The following CLYBL variants were observed in gnomAD, a reference collection of about 807,000 sequenced individuals.
CLYBL encodes the protein citramalyl-CoA lyase.
Under a neutral mutation model 38.9 loss-of-function variants are expected in CLYBL, and 31 were observed. The ratio of observed to expected loss-of-function variants is 0.80; its 90% CI spans 0.60 to 1.08. CLYBL has a LOEUF of 1.08. Among genes scored for constraint, CLYBL ranks in the 50% least tolerant of loss-of-function variants. The probability of loss-of-function intolerance (pLI) is 0.00; values close to 1 mark genes in which losing one functional copy is unlikely to be tolerated. For missense variants in CLYBL, 434 were observed against 411.6 expected (o/e 1.05, Z -0.47); for synonymous variants, 171 against 158.6 (o/e 1.08, Z -0.59).
In CLYBL at chr13:99,718,846, A is replaced by AT. The variant is rs879384617; in HGVS notation, c.63-53966dup. On this transcript the variant is annotated intron_variant, in intron 1 of 8. Transcript: ENST00000339105. ...ACTCACTCAGCAATACCTGTTGAGA[A>AT]TTTTTTTTTTTTCTGAGCAGAGTTT... Among the ~76,000 whole-genome samples, 240 of 147,672 alleles carry AT rather than the reference A, an allele frequency of 1.6e-3. 1 individual carries two copies. The highest frequency in any genetic ancestry group is 4.6e-3 in the African/African-American group (185 of 40,594).
At chr13:99,876,070 T>A (rs965088025) in intron 7 of CLYBL, among the ~76,000 whole-genome samples, 1 of 934 alleles carries the variant, frequency 1.1e-3, no homozygotes, top group Admixed American at 0.023. Context: ...TCTATTTCAC[T>A]TTTTTTTTTT....
intron 7 of CLYBL, among the ~76,000 whole-genome samples, chr13:99,876,981 C>G (rs1365093088): frequency 6.6e-6 from 1 of 152,176 alleles, no homozygotes; most frequent in Non-Finnish European, 1.5e-5. Flanking sequence ...CCTCCCTGCT[C>G]AGTGCTGCCC....
chr13:99,644,189 ATGTATATGTGGTGTATG>A (rs1409453750), intron 1 of CLYBL, among the ~76,000 whole-genome samples: 2 of 103,612 alleles, frequency 1.9e-5, no homozygotes, highest in Non-Finnish European at 3.6e-5. Context: ...ATGTGTATGT[ATGTATATGTGGTGTATG>A]TGTATATGTG....
At chr13:99,888,779 C>A (rs2052417225) in intron 7 of CLYBL, among the ~76,000 whole-genome samples, 1 of 151,990 alleles carries the variant, frequency 6.6e-6, no homozygotes, top group African/African-American at 2.4e-5. Flanking sequence ...AAAATATAAT[C>A]ATTAAGGAAG....
At chr13:99,708,204 C>T (rs1220451318) in intron 1 of CLYBL, among the ~76,000 whole-genome samples, 3 of 152,152 alleles carry the variant, frequency 2.0e-5, no homozygotes, top group South Asian at 2.1e-4. Context: ...TGGTCTTGAA[C>T]TCCTGACCTC....
rs7988767 is a variant in CLYBL at position 99,634,877 on chromosome 13, C to T, written c.62+28120C>T. On this transcript the variant is annotated intron_variant, in intron 1 of 8. Coordinates refer to ENST00000339105, the MANE Select transcript of CLYBL (RefSeq NM_206808.5). ...AGGCTGTGAAGGAGGTATCAGATCG[C>T]GCTCTCTGGCCTTGGGCACCTTCTT... 5.3e-3 allele frequency among the ~76,000 whole-genome samples: 812 copies of T among 152,288 alleles called. 4 individuals carry two copies. The highest frequency in any genetic ancestry group is 0.019 in the African/African-American group (783 of 41,564).
At chr13:99,706,124 G>A in intron 1 of CLYBL, among the ~76,000 whole-genome samples, 1 of 151,964 alleles carries the variant, frequency 6.6e-6, no homozygotes, top group Admixed American at 6.6e-5. Context: ...TAGAGACAGG[G>A]TTTCACCATC....
intron 1 of CLYBL, among the ~76,000 whole-genome samples, chr13:99,652,542 A>G (rs891193631): frequency 3.3e-5 from 5 of 152,188 alleles, no homozygotes; most frequent in Admixed American, 1.3e-4. Flanking sequence ...ACCCTATCTC[A>G]ATTAAAAAAA....
At chr13:99,712,862 C>G (rs1466193650) in intron 1 of CLYBL, among the ~76,000 whole-genome samples, 1 of 152,112 alleles carries the variant, frequency 6.6e-6, no homozygotes, top group Non-Finnish European at 1.5e-5. Context: ...GGCGTTTGCT[C>G]TGTTTGTACT....
chr13:99,874,315 C>T (rs1052857027), intron 7 of CLYBL, among the ~76,000 whole-genome samples: 1 of 152,152 alleles, frequency 6.6e-6, no homozygotes, highest in South Asian at 2.1e-4. Flanking sequence ...TGAGATACAA[C>T]GTGCATACCA....
Position 99,655,331 on chromosome 13 carries a change from C to T in CLYBL, c.62+48574C>T, listed in dbSNP as rs377454631. 1.5e-4 allele frequency among the ~76,000 whole-genome samples: 23 copies of T among 152,272 alleles called. No individual in the cohort carries two copies. In the East Asian group the frequency reaches 3.1e-3, roughly 21 times the overall value. ...CCTCAGATGATCTGTCTGCCTCGGC[C>T]TCCCAAAGTGCTGGGATTATAGGCG... On this transcript the variant is annotated intron_variant, in intron 1 of 8. Coordinates refer to ENST00000339105, the MANE Select transcript of CLYBL (RefSeq NM_206808.5).
intron 1 of CLYBL, among the ~76,000 whole-genome samples, chr13:99,677,323 C>T (rs572144379): frequency 6.6e-6 from 1 of 151,576 alleles, no homozygotes; most frequent in Non-Finnish European, 1.5e-5. Flanking sequence ...AATACATTGA[C>T]TTTGAGAGAG....
intron 1 of CLYBL, among the ~76,000 whole-genome samples, chr13:99,739,197 A>G (rs565605943): frequency 6.6e-6 from 1 of 152,332 alleles, no homozygotes; most frequent in African/African-American, 2.4e-5. Flanking sequence ...TCCTAATTTC[A>G]GTGTTCGTAA....
At chr13:99,628,364 A>G (rs1016935189) in intron 1 of CLYBL, among the ~76,000 whole-genome samples, 59 of 152,180 alleles carry the variant, frequency 3.9e-4, no homozygotes, top group African/African-American at 1.3e-3. Context: ...TCTTTAAGTG[A>G]TATAGTAGAC....
chr13:99,621,531 A>T (rs1383301351), intron 1 of CLYBL, among the ~76,000 whole-genome samples: 1 of 151,606 alleles, frequency 6.6e-6, no homozygotes, highest in Non-Finnish European at 1.5e-5. Context: ...CTCCTCTCCC[A>T]CCCACACCCC....
intron 2 of CLYBL, among the ~76,000 whole-genome samples, chr13:99,823,878 T>C (rs1042056789): frequency 6.6e-6 from 1 of 152,252 alleles, no homozygotes; most frequent in Admixed American, 6.5e-5. Context: ...TAAATCGTTC[T>C]GGTAGTTTCC....
intron 2 of CLYBL, among the ~76,000 whole-genome samples, chr13:99,851,260 G>A (rs1174896327): frequency 1.3e-5 from 2 of 151,572 alleles, no homozygotes; most frequent in Non-Finnish European, 1.5e-5. Context: ...CCAGCTACTC[G>A]GGAGGCTGAG....
At chr13:99,674,142 C>CT (rs1167068936) in intron 1 of CLYBL, among the ~76,000 whole-genome samples, 575 of 51,178 alleles carry the variant, frequency 0.011, 91 homozygotes, top group African/African-American at 0.013. Context: ...TACTAGAATT[C>CT]TTTTTTTTTT....
rs1481088140 is a variant in CLYBL at position 99,803,498 on chromosome 13, C to T, written c.249+30488C>T. On this transcript the variant is annotated intron_variant, in intron 2 of 8. Transcript: ENST00000339105. ...CCAATGTATCCTAACTGAAAAGGAA[C>T]TGCAGTGGAAAGCCTATGGGCTTTG... is the stretch of plus-strand genomic sequence containing the variant. Among the ~76,000 whole-genome samples the T allele has an allele frequency of 3.3e-5, 5 of 152,238 alleles. No homozygotes were observed. The East Asian group carries it at 5.8e-4, about 18-fold the overall frequency.
Sources: gnomAD v4.1 joint callset for allele counts (sites outside exome capture counted in the v4.1 genomes callset) on GRCh38, gnomAD v4.1.1 for gene constraint, MANE v1.5 for transcripts, NCBI Gene and HGNC (gene_info 2026-07-23, HGNC 2026-07-21) for gene names.